PROM1: variants seen among roughly 807,000 people sequenced by gnomAD.
The protein encoded by PROM1 is prominin-1.
A neutral mutation model predicts 116.9 loss-of-function variants in PROM1; 105 were observed. The ratio of observed to expected loss-of-function variants is 0.90; its 90% CI spans 0.77 to 1.06. The LOEUF is 1.06. Ranked by LOEUF, PROM1 falls within the 50% of genes least tolerant of loss-of-function variation. The pLI is 0.00. For synonymous variants in PROM1, 393 were observed against 387.0 expected (o/e 1.02, Z -0.18); for missense variants, 1,122 against 1,045.2 (o/e 1.07, Z -1.01).
chr4:16,037,703 T>C (rs1433172427), intron 3 of PROM1, among the ~76,000 whole-genome samples: 2 of 151,916 alleles, frequency 1.3e-5, no homozygotes, highest in African/African-American at 4.8e-5. Context: ...CGAGAAGGAC[T>C]GAGAACCTGG....
chr4:16,076,219 C>T (rs1431802077), intron 1 of PROM1, 101 bp from the exon 2 acceptor site: 1 of 286,186 alleles, frequency 3.5e-6, no homozygotes, highest in Non-Finnish European at 6.5e-6. Context: ...AGCAAGGCCT[C>T]CAGCCTAATC....
Position 15,993,848 on chromosome 4 carries a change from T to C in PROM1, c.1767+139A>G, listed in dbSNP as rs976648265. 1.3e-5 allele frequency: 19 copies of C among 1,433,040 alleles called. No individual in the cohort carries two copies. In the African/African-American group the frequency reaches 2.3e-4, roughly 17 times the overall value. The allele number at this position is 1,433,040 out of a possible 1,614,324, so 88.8% of individuals were successfully genotyped here. A position where few individuals can be genotyped will look rare whatever the true frequency, so the allele number is the denominator to read the frequency against. ...AATAGAGGTGAAGGTTACACAGCCA[T>C]GTAAATATACCAAACATCACTTTTA... On this transcript the variant is annotated intron_variant, in intron 16 of 27. Coordinates refer to ENST00000447510, the MANE Select transcript of PROM1 (RefSeq NM_006017.3).
In PROM1 at chr4:16,075,892, G is replaced by C. The variant is rs10033189; in HGVS notation, c.15C>G (p.Leu5=). The change falls in exon 2 of 28, where the codon CTC becomes CTG. Residue 5 remains leucine (L), a synonymous_variant. Transcript: ENST00000447510. MALV[L]GSLLLLGLCG... ...ACAGCCCCAGCAGCAACAGGGAGCC[G>C]AGTACGAGGGCCATAGCTAGCAAGA... 2.5e-6 allele frequency: 4 copies of C among 1,611,130 alleles called. No homozygotes were observed. The highest frequency in any genetic ancestry group is 3.4e-6 in the Non-Finnish European group (4 of 1,178,538).
intron 19 of PROM1, among the ~76,000 whole-genome samples, chr4:15,988,838 A>G (rs1175802602): frequency 2.0e-5 from 3 of 152,220 alleles, no homozygotes; most frequent in Non-Finnish European, 4.4e-5. Flanking sequence ...TAATCTAATA[A>G]ATTAGGAAAT....
chr4:16,062,610 A>C (rs1182028018), intron 2 of PROM1, among the ~76,000 whole-genome samples: 1 of 152,226 alleles, frequency 6.6e-6, no homozygotes, highest in Non-Finnish European at 1.5e-5. Flanking sequence ...CTGAACTCTT[A>C]AGTGTTTTAG....
intron 2 of PROM1, among the ~76,000 whole-genome samples, chr4:16,045,543 G>A (rs1163018583): frequency 1.3e-5 from 2 of 152,118 alleles, no homozygotes; most frequent in East Asian, 1.9e-4. Context: ...ACACCTTACC[G>A]AATTAAGACC....
intron 11 of PROM1, among the ~76,000 whole-genome samples, chr4:16,012,784 T>A (rs59749083): frequency 0.095 from 13,630 of 143,696 alleles, 827 homozygotes; most frequent in Middle Eastern, 0.22. Flanking sequence ...GGCAGGAGAA[T>A]GGCGTGAACC....
chr4:16,022,121 A>G (rs1444070939), intron 8 of PROM1, among the ~76,000 whole-genome samples: 1 of 142,226 alleles, frequency 7.0e-6, no homozygotes, highest in Admixed American at 6.9e-5. Flanking sequence ...GAAGGAGGGA[A>G]GAAGGGAAGG....
At chr4:16,023,078 A>C (rs1343269015) in intron 8 of PROM1, among the ~76,000 whole-genome samples, 8 of 121,338 alleles carry the variant, frequency 6.6e-5, no homozygotes, top group African/African-American at 1.9e-4. Context: ...TGTGTTTAAA[A>C]AACAGGTGGT....
At chr4:16,024,432 T>C in intron 6 of PROM1, 74 bp from the exon 7 acceptor site, 1 of 1,254,894 alleles carries the variant, frequency 8.0e-7, no homozygotes, top group East Asian at 2.4e-5. Context: ...AGAGATTTAA[T>C]ATACAAAAGT....
At chr4:16,008,371 G>A (rs988941670) in intron 12 of PROM1, among the ~76,000 whole-genome samples, 1 of 152,182 alleles carries the variant, frequency 6.6e-6, no homozygotes, top group Non-Finnish European at 1.5e-5. Context: ...GACAACCAGT[G>A]GGCACCACAG....
intron 2 of PROM1, among the ~76,000 whole-genome samples, chr4:16,062,731 C>T (rs1423332041): frequency 2.6e-5 from 4 of 152,188 alleles, no homozygotes; most frequent in Non-Finnish European, 4.4e-5. Context: ...TAACAATTAA[C>T]GCCTAACAAA....
chr4:16,030,971 G>A (rs1027927649), intron 5 of PROM1, among the ~76,000 whole-genome samples: 23 of 152,090 alleles, frequency 1.5e-4, no homozygotes, highest in African/African-American at 5.6e-4. Flanking sequence ...ACTTGAACCC[G>A]GGAGGCGGAG....
At chr4:15,990,509 TC>T (rs1365712190) in intron 18 of PROM1, among the ~76,000 whole-genome samples, 1 of 152,186 alleles carries the variant, frequency 6.6e-6, no homozygotes, top group East Asian at 1.9e-4. Context: ...CAGGTACTAT[TC>T]CCTACACAGC....
intron 4 of PROM1, among the ~76,000 whole-genome samples, chr4:16,035,151 T>C (rs1052811333): frequency 6.6e-6 from 1 of 152,168 alleles, no homozygotes; most frequent in African/African-American, 2.4e-5. Context: ...CGAAGAGGCA[T>C]TATTAGGGGA....
At chr4:16,003,998 T>G (rs1724555910) in intron 13 of PROM1, among the ~76,000 whole-genome samples, 1 of 152,190 alleles carries the variant, frequency 6.6e-6, no homozygotes, top group Non-Finnish European at 1.5e-5. Context: ...GCAACAAAAC[T>G]ACACATACTC....
rs1560421595 is a variant in PROM1, at chr4:15,991,217, C to A, written c.1983+5G>T. On this transcript the variant is annotated splice_donor_5th_base_variant and intron_variant, in intron 18 of 27. Coordinates refer to ENST00000447510, the MANE Select transcript of PROM1 (RefSeq NM_006017.3). ...ACAGTATTTAACCGGACGATTTGAA[C>A]TCACCAAACTGTTTGCTTTTGCTTC... 1 of 1,604,616 alleles carries A rather than the reference C, an allele frequency of 6.2e-7. No homozygotes were observed. Among genetic ancestry groups the A allele is most frequent in the South Asian group, 1.1e-5 (1 of 89,188 alleles).
Position 15,986,027 on chromosome 4 carries a change from G to A in PROM1, c.2141C>T (p.Thr714Ile). 6.4e-7 allele frequency: 1 copy of A among 1,571,436 alleles called. No individual in the cohort carries two copies. Among genetic ancestry groups the A allele is most frequent in the Non-Finnish European group, 8.7e-7 (1 of 1,150,382 alleles). The change falls in exon 21 of 28, where the codon ACT (threonine) becomes ATT (isoleucine). Residue 714 changes from threonine to isoleucine, a missense_variant. Physicochemically the swap from Thr to Ile is moderately conservative, Grantham distance 89 (BLOSUM62 -1). Coordinates refer to ENST00000447510, the MANE Select transcript of PROM1 (RefSeq NM_006017.3). ...AAAATCCAGAGAAGCTAGAATCCTA[G>A]TTACTCTCTCCTGAAAGACACAGCC... The part of the protein sequence containing the change: ...RTGNGLLERV[T>I]RILASLDFAQ...
chr4:16,024,757 G>A (rs891813377), intron 6 of PROM1, among the ~76,000 whole-genome samples: 2 of 152,054 alleles, frequency 1.3e-5, no homozygotes, highest in Non-Finnish European at 2.9e-5. Context: ...CCTTCCCAAG[G>A]AATTCGATAT....
Sources: gnomAD v4.1 joint callset for allele counts (sites outside exome capture counted in the v4.1 genomes callset) on GRCh38, gnomAD v4.1.1 for gene constraint, MANE v1.5 for transcripts, NCBI Gene and HGNC (gene_info 2026-07-23, HGNC 2026-07-21) for gene names.